The following RALGPS2 variants were observed in gnomAD, a reference collection of about 807,000 sequenced individuals.
RALGPS2 encodes the protein Ral GEF with PH domain and SH3 binding motif 2.
Under a neutral mutation model 86.8 loss-of-function variants are expected in RALGPS2, and 43 were observed. The ratio of observed to expected loss-of-function variants is 0.50; its 90% CI spans 0.39 to 0.64. The LOEUF is 0.64. RALGPS2 is among the 30% of genes least tolerant of loss of function. The pLI is 0.00. For missense variants in RALGPS2, 536 were observed against 694.6 expected, an observed-to-expected ratio of 0.77 and a Z score of 2.57; for synonymous variants, 243 against 231.3, an observed-to-expected ratio of 1.05 and a Z score of -0.46.
intron 4 of RALGPS2, among the ~76,000 whole-genome samples, chr1:178,796,414 A>G (rs1407154213): frequency 6.6e-6 from 1 of 152,162 alleles, no homozygotes; most frequent in African/African-American, 2.4e-5. Flanking sequence ...CTGAATGCTA[A>G]TGGATATGCC....
chr1:178,864,954 C>A, intron 8 of RALGPS2: 1 of 1,444,734 alleles, frequency 6.9e-7, no homozygotes, highest in South Asian at 1.8e-5. Context: ...GGTAACTCAC[C>A]TTCATTGATG....
At chr1:178,887,906 G>T (rs898324974) in intron 13 of RALGPS2, among the ~76,000 whole-genome samples, 6 of 151,958 alleles carry the variant, frequency 3.9e-5, no homozygotes, top group African/African-American at 7.3e-5. Context: ...TTTTCTACAC[G>T]TCCATGGAAT....
Position 178,916,483 on chromosome 1 carries a change from G to A in RALGPS2, c.*124G>A. ...CCCAGAGGCTCTGTCTCAGTCGTTGGAGTTCTCAACCAAAAAAGCACTAAT... is the reference window on the plus strand; with the variant it reads ...CCCAGAGGCTCTGTCTCAGTCGTTGAAGTTCTCAACCAAAAAAGCACTAAT... On this transcript the variant is annotated 3_prime_UTR_variant, in exon 20 of 20. Coordinates refer to ENST00000367635, the MANE Select transcript of RALGPS2 (RefSeq NM_152663.5). 1 of 877,320 alleles carries A rather than the reference G, an allele frequency of 1.1e-6. No homozygotes were observed. The highest frequency in any genetic ancestry group is 1.7e-6 in the Non-Finnish European group (1 of 587,088). The allele number at this position is 877,320 out of a possible 1,614,324, so 54.3% of individuals were successfully genotyped here. A position where few individuals can be genotyped will look rare whatever the true frequency, so the allele number is the denominator to read the frequency against.
At chr1:178,854,234 G>T (rs1404751730) in intron 8 of RALGPS2, among the ~76,000 whole-genome samples, 2 of 152,024 alleles carry the variant, frequency 1.3e-5, no homozygotes, top group Non-Finnish European at 1.5e-5. Flanking sequence ...TTATAAAAAT[G>T]CTGAGGGATC....
At chr1:178,788,479 A>G (rs1558119958) in intron 4 of RALGPS2, among the ~76,000 whole-genome samples, 1 of 152,182 alleles carries the variant, frequency 6.6e-6, no homozygotes, top group Admixed American at 6.5e-5. Flanking sequence ...GGGAGTTGCA[A>G]CTTTAGATAG....
chr1:178,733,856 A>G (rs1650529868), intron 1 of RALGPS2, among the ~76,000 whole-genome samples: 1 of 152,270 alleles, frequency 6.6e-6, no homozygotes, highest in African/African-American at 2.4e-5. Flanking sequence ...CAGGAGCAAC[A>G]AAACAAGCAA....
chr1:178,760,796 A>G (rs546656674), intron 1 of RALGPS2, among the ~76,000 whole-genome samples: 2 of 152,186 alleles, frequency 1.3e-5, no homozygotes, highest in Non-Finnish European at 2.9e-5. Context: ...AGTGTCTCAC[A>G]GGTGCTCTGG....
At chr1:178,865,610 GGT>G in intron 8 of RALGPS2, 2 of 1,613,948 alleles carry the variant, frequency 1.2e-6, no homozygotes, top group Non-Finnish European at 1.7e-6. Flanking sequence ...TCTTTGTTCA[GGT>G]ACCAGGAATG....
intron 4 of RALGPS2, among the ~76,000 whole-genome samples, chr1:178,793,110 A>G (rs941001647): frequency 3.3e-5 from 5 of 152,306 alleles, no homozygotes; most frequent in Admixed American, 1.3e-4. Context: ...AGCCCTTTGA[A>G]TTACAGAAGA....
chr1:178,914,427 G>A (rs1422887467), intron 19 of RALGPS2, among the ~76,000 whole-genome samples: 1 of 152,102 alleles, frequency 6.6e-6, no homozygotes, highest in Non-Finnish European at 1.5e-5. Flanking sequence ...CTTAGGAGCT[G>A]TTCAGGACCA....
intron 8 of RALGPS2, among the ~76,000 whole-genome samples, chr1:178,840,753 G>A (rs1220316129): frequency 2.0e-5 from 3 of 151,598 alleles, no homozygotes; most frequent in African/African-American, 7.3e-5. Context: ...CCACTAGCAA[G>A]ACTATATATA....
Position 178,902,068 on chromosome 1 carries a change from A to C in RALGPS2, c.1525-38A>C, listed in dbSNP as rs1660201032. Reference sequence around the variant, plus strand: ...TGAAGTTTTGCTAGAATAAACCATAAATTTTCTGTTTCCGCTAATTATCTT... The same window carrying C: ...TGAAGTTTTGCTAGAATAAACCATACATTTTCTGTTTCCGCTAATTATCTT... On this transcript the variant is annotated intron_variant, in intron 17 of 19. Transcript: ENST00000367635. 8 of 1,495,804 alleles carry C rather than the reference A, an allele frequency of 5.3e-6. No homozygotes were observed. The East Asian group carries it at 1.8e-4, about 34-fold the overall frequency. The allele number at this position is 1,495,804 out of a possible 1,614,324, so 92.7% of individuals were successfully genotyped here.
At position 178,821,717 on chromosome 1, in the gene RALGPS2, C is replaced by CT; in HGVS notation, c.480+16dup. 6.3e-7 allele frequency: 1 copy of CT among 1,580,590 alleles called. No individual in the cohort carries two copies. Among genetic ancestry groups the CT allele is most frequent in the Non-Finnish European group, 8.7e-7 (1 of 1,151,822 alleles). On this transcript the variant is annotated intron_variant, in intron 7 of 19. Transcript: ENST00000367635. ...TAAAACATGGGCGGTGAGTAATATT[C>CT]TTTAGTTAATGAAAGGTTAGACTTC... is the stretch of plus-strand genomic sequence containing the variant.
At chr1:178,774,221 G>C (rs999811945) in intron 1 of RALGPS2, among the ~76,000 whole-genome samples, 13 of 152,072 alleles carry the variant, frequency 8.5e-5, no homozygotes, top group African/African-American at 3.1e-4. Context: ...GTTGCAGTGA[G>C]CTGAGATCAT....
chr1:178,728,205 T>G (rs1299804436), intron 1 of RALGPS2, among the ~76,000 whole-genome samples: 1 of 152,162 alleles, frequency 6.6e-6, no homozygotes, highest in African/African-American at 2.4e-5. Context: ...CTAAATTTCT[T>G]TTTTGGTCTA....
chr1:178,785,326 A>T (rs1326638140), intron 3 of RALGPS2, among the ~76,000 whole-genome samples: 1 of 151,960 alleles, frequency 6.6e-6, no homozygotes, highest in Non-Finnish European at 1.5e-5. Context: ...TTTTAAAATT[A>T]TTTTTATTTT....
At chr1:178,756,246 C>T (rs1651950580) in intron 1 of RALGPS2, among the ~76,000 whole-genome samples, 1 of 152,106 alleles carries the variant, frequency 6.6e-6, no homozygotes, top group South Asian at 2.1e-4. Context: ...GGCACATGTC[C>T]AGAATGGTGT....
chr1:178,891,565 A>G (rs1470071751), intron 14 of RALGPS2, among the ~76,000 whole-genome samples: 1 of 152,062 alleles, frequency 6.6e-6, no homozygotes, highest in Non-Finnish European at 1.5e-5. Flanking sequence ...GGGTTTTCCT[A>G]GGCAAAGAAG....
chr1:178,799,901 G>C (rs1278684789), intron 4 of RALGPS2, among the ~76,000 whole-genome samples: 1 of 152,154 alleles, frequency 6.6e-6, no homozygotes, highest in Non-Finnish European at 1.5e-5. Context: ...ATAAATTTCA[G>C]CTGGAGAAAA....
Sources: gnomAD v4.1 joint callset for allele counts (sites outside exome capture counted in the v4.1 genomes callset) on GRCh38, gnomAD v4.1.1 for gene constraint, MANE v1.5 for transcripts, NCBI Gene and HGNC (gene_info 2026-07-23, HGNC 2026-07-21) for gene names.